The following KCTD1 variants were observed in gnomAD, a reference collection of about 807,000 sequenced individuals.
KCTD1 encodes BTB/POZ domain-containing protein KCTD1.
In KCTD1, 24 loss-of-function variants were observed where a neutral mutation model predicts 66.0. The observed-to-expected ratio is 0.36, with a 90% CI of 0.26 to 0.51. The LOEUF is 0.51. Ranked by LOEUF, KCTD1 falls within the 20% of genes least tolerant of loss-of-function variation. KCTD1 has a pLI of 0.95. For synonymous variants in KCTD1, 511 were observed against 517.2 expected (o/e 0.99, Z 0.16); for missense variants, 943 against 1,205.2 (o/e 0.78, Z 3.22).
intron 1 of KCTD1, among the ~76,000 whole-genome samples, chr18:26,647,336 C>CCCGCT (rs1555649530): frequency 6.8e-6 from 1 of 146,700 alleles, no homozygotes; most frequent in Non-Finnish European, 1.5e-5. Flanking sequence ...GTGAAACCCC[C>CCCGCT]CCCCCATCTC....
At chr18:26,489,219 C>T (rs1359290248) in intron 2 of KCTD1, among the ~76,000 whole-genome samples, 1 of 152,188 alleles carries the variant, frequency 6.6e-6, no homozygotes, top group African/African-American at 2.4e-5. Flanking sequence ...CTAACTGAGG[C>T]TATAAATCCT....
At chr18:26,626,706 C>T (rs1362327788) in intron 1 of KCTD1, among the ~76,000 whole-genome samples, 4 of 152,078 alleles carry the variant, frequency 2.6e-5, no homozygotes, top group Non-Finnish European at 4.4e-5. Flanking sequence ...AATTCCTAGC[C>T]TCAAATGATC....
At chr18:26,602,622 C>G (rs1986922497) in intron 1 of KCTD1, among the ~76,000 whole-genome samples, 1 of 152,222 alleles carries the variant, frequency 6.6e-6, no homozygotes, top group South Asian at 2.1e-4. Flanking sequence ...CACAATTCCT[C>G]TCTCCAGAGG....
intron 1 of KCTD1, among the ~76,000 whole-genome samples, chr18:26,582,518 C>T (rs1986378069): frequency 6.6e-6 from 1 of 152,134 alleles, no homozygotes; most frequent in Non-Finnish European, 1.5e-5. Context: ...AGTGCATATA[C>T]CCTTTGATCT....
At chr18:26,542,304 T>C (rs1477122566) in intron 1 of KCTD1, among the ~76,000 whole-genome samples, 4 of 152,228 alleles carry the variant, frequency 2.6e-5, no homozygotes, top group South Asian at 2.1e-4. Flanking sequence ...TTATCCCTTA[T>C]ATAAATTCTC....
chr18:26,637,433 C>T (rs917830416), intron 1 of KCTD1, among the ~76,000 whole-genome samples: 5 of 152,118 alleles, frequency 3.3e-5, no homozygotes, highest in Admixed American at 2.0e-4. Flanking sequence ...ATGTGAGCTG[C>T]GAGGAGGAGG....
At chr18:26,565,953 G>C (rs1300988345) in intron 1 of KCTD1, 1 of 151,830 alleles carries the variant, frequency 6.6e-6, no homozygotes, top group Non-Finnish European at 1.5e-5. Flanking sequence ...TTTTGTTTAG[G>C]AAAAATGTGT....
intron 1 of KCTD1, among the ~76,000 whole-genome samples, chr18:26,568,758 A>G (rs1300400101): frequency 6.6e-6 from 1 of 152,240 alleles, no homozygotes; most frequent in African/African-American, 2.4e-5. Context: ...TGCTACTGGT[A>G]TACTTTTGAT....
rs371437356 is a variant in KCTD1 at position 26,600,464 on chromosome 18, T to C, written c.-16+28683A>G. 82 of 653,896 alleles carry C rather than the reference T, an allele frequency of 1.3e-4. No individual in the cohort carries two copies. The African/African-American group carries it at 1.3e-3, about 11-fold the overall frequency. The allele number at this position is 653,896 out of a possible 1,614,324, so 40.5% of individuals were successfully genotyped here. On this transcript the variant is annotated intron_variant, in intron 1 of 4. Coordinates refer to the KCTD1 transcript ENST00000317932. ...CTCTGAGATCTATTTGCAGAGTGGG[T>C]GCTTAGCAGACAGAGTGAAGCTGGC...
intron 1 of KCTD1, among the ~76,000 whole-genome samples, chr18:26,514,718 G>A (rs944183801): frequency 1.3e-5 from 2 of 152,166 alleles, no homozygotes; most frequent in Admixed American, 1.3e-4. Flanking sequence ...GGCATTCACT[G>A]GGATCTTTGT....
rs1980871821 is a variant in KCTD1 at position 26,468,516 on chromosome 18, A to C, written c.2133+7999T>G. 6.6e-6 allele frequency among the ~76,000 whole-genome samples: 1 copy of C among 152,132 alleles called. No individual in the cohort carries two copies. Among genetic ancestry groups the C allele is most frequent in the Non-Finnish European group, 1.5e-5 (1 of 68,028 alleles). On this transcript the variant is annotated intron_variant, in intron 3 of 4. Transcript: ENST00000580059. This position sits in a 1 kb window ranked among gnomAD's most constrained non-coding sequence, Gnocchi z 4.8. Reference sequence around the variant, plus strand: ...CATTCTCCCTAACAAACTTAGTGAAAGAGATTCTCTCCTCATGCAAAAAAC... The same window carrying C: ...CATTCTCCCTAACAAACTTAGTGAACGAGATTCTCTCCTCATGCAAAAAAC...
intron 1 of KCTD1, among the ~76,000 whole-genome samples, chr18:26,518,141 G>T (rs984172534): frequency 6.6e-6 from 1 of 152,298 alleles, no homozygotes; most frequent in Admixed American, 6.5e-5. Context: ...AATTCCAGAA[G>T]AGAATTTAAA....
At chr18:26,569,497 C>T (rs1248704652) in intron 1 of KCTD1, among the ~76,000 whole-genome samples, 1 of 152,120 alleles carries the variant, frequency 6.6e-6, no homozygotes, top group Non-Finnish European at 1.5e-5. Context: ...TCTCGCCTTT[C>T]TCCCGCCCCC....
upstream of KCTD1, among the ~76,000 whole-genome samples, chr18:26,643,893 C>T (rs189719505): frequency 1.7e-3 from 252 of 151,990 alleles, 3 homozygotes; most frequent in South Asian, 6.4e-3. Context: ...ACTCAGGAGG[C>T]GGAGCTTGCA....
chr18:26,608,164 T>C lies in KCTD1; in HGVS notation c.-16+20983A>G, dbSNP rs938522236. The stretch of plus-strand genomic sequence containing the variant: ...AAATTTTAAAAGTTTACCTGTTAGC[T>C]TTTTAAATTTTAAATTTTTAATGTT... On this transcript the variant is annotated intron_variant, in intron 1 of 4. Transcript: ENST00000317932. 4.6e-5 allele frequency among the ~76,000 whole-genome samples: 7 copies of C among 152,358 alleles called. No homozygotes were observed. The East Asian group carries it at 1.3e-3, about 29-fold the overall frequency.
intron 1 of KCTD1, among the ~76,000 whole-genome samples, chr18:26,517,772 A>AGTTACGTG (rs1373917071): frequency 6.6e-6 from 1 of 150,946 alleles, no homozygotes; most frequent in East Asian, 1.9e-4. Flanking sequence ...AGGCCTCCCC[A>AGTTACGTG]GTTACGTGGA....
intron 1 of KCTD1, among the ~76,000 whole-genome samples, chr18:26,626,380 T>A (rs1031072595): frequency 6.6e-6 from 1 of 150,812 alleles, no homozygotes; most frequent in African/African-American, 2.4e-5. Context: ...GTAAGTTCAA[T>A]GAAGAAAACA....
In KCTD1 at chr18:26,614,303, G is replaced by C. The variant is rs535384186; in HGVS notation, c.-16+14844C>G. ...CTGTGCAAAGGCACTGGAGGGAGGA[G>C]CTATGATGTGAATCACCCCAGCCCC... On this transcript the variant is annotated intron_variant, in intron 1 of 4. Coordinates refer to the KCTD1 transcript ENST00000317932. Among the ~76,000 whole-genome samples the C allele has an allele frequency of 2.6e-5, 4 of 152,306 alleles. No homozygotes were observed. In the South Asian group the frequency reaches 6.2e-4, roughly 24 times the overall value.
chr18:26,578,645 G>T (rs1440900294), intron 1 of KCTD1, among the ~76,000 whole-genome samples: 1 of 152,198 alleles, frequency 6.6e-6, no homozygotes, highest in Non-Finnish European at 1.5e-5. Context: ...CATGGGAATA[G>T]TATGGTTTTA....
Sources: allele counts gnomAD v4.1 joint callset (sites outside exome capture counted in the v4.1 genomes callset), GRCh38; gene constraint gnomAD v4.1.1; non-coding constraint Gnocchi (gnomAD v3.1); transcripts MANE v1.5; gene names NCBI Gene and HGNC (gene_info 2026-07-23, HGNC 2026-07-21).